MYO10: variants seen among roughly 807,000 people sequenced by gnomAD.
MYO10 encodes the protein unconventional myosin-X.
A neutral mutation model predicts 257.3 loss-of-function variants in MYO10; 133 were observed. That is an observed-to-expected ratio of 0.52 (90% CI 0.45 to 0.60). The LOEUF is 0.60. MYO10 is among the 20% of genes least tolerant of loss of function. The probability of loss-of-function intolerance (pLI) is 0.00; values close to 1 mark genes in which losing one functional copy is unlikely to be tolerated. For missense variants in MYO10, 2,399 were observed against 2,635.7 expected (o/e 0.91, Z 1.97); for synonymous variants, 1,104 against 1,028.6 (o/e 1.07, Z -1.40).
chr5:16,842,201 C>G lies in MYO10; in HGVS notation c.121-24034G>C, dbSNP rs146109906. On this transcript the variant is annotated intron_variant, in intron 2 of 40. Transcript: ENST00000513610. ...GTTTAGATATGTGTAATTTCTGACT[C>G]TGGTGATGGAGGTAGAAGTTGTATG... 2.5e-3 allele frequency among the ~76,000 whole-genome samples: 380 copies of G among 152,264 alleles called. 2 individuals carry two copies. The highest frequency in any genetic ancestry group is 8.7e-3 in the African/African-American group (361 of 41,554).
In MYO10 at chr5:16,844,937, TACACACACACACACACGCACACAC is replaced by T. The variant is rs1743585160; in HGVS notation, c.121-26794_121-26771del. On this transcript the variant is annotated intron_variant, in intron 2 of 40. Transcript: ENST00000513610. ...TTTATTCCAACAAAGTAATTCCAGA[TACACACACACACACACGCACACAC>T]ACACACACACACACACAGTGTATTT... Among the ~76,000 whole-genome samples the T allele has an allele frequency of 2.1e-5, 3 of 144,988 alleles. 1 individual carries two copies. The South Asian group carries it at 6.8e-4, about 33-fold the overall frequency.
chr5:16,838,855 T>A (rs1358802309), intron 2 of MYO10, among the ~76,000 whole-genome samples: 1 of 152,218 alleles, frequency 6.6e-6, no homozygotes, highest in Non-Finnish European at 1.5e-5. Context: ...CTAAATCTAC[T>A]CATCTCTATA....
chr5:16,686,067 G>T (rs920472419), intron 28 of MYO10, among the ~76,000 whole-genome samples: 2 of 152,176 alleles, frequency 1.3e-5, no homozygotes, highest in African/African-American at 4.8e-5. Context: ...TAGGTCAATG[G>T]ACGGCCTTTT....
intron 30 of MYO10, among the ~76,000 whole-genome samples, chr5:16,683,305 A>G (rs1737092419): frequency 6.6e-6 from 1 of 152,204 alleles, no homozygotes; most frequent in African/African-American, 2.4e-5. Flanking sequence ...AACTTACAAG[A>G]TAATACAGAA....
At chr5:16,912,632 T>A (rs756897967) in intron 1 of MYO10, among the ~76,000 whole-genome samples, 6 of 152,154 alleles carry the variant, frequency 3.9e-5, no homozygotes, top group Admixed American at 1.3e-4. Flanking sequence ...AAAATGAGTA[T>A]GTTTTTAGGC....
At chr5:16,921,132 G>GATAAAATAAAATAAAATAAAATAAA (rs56053669) in intron 1 of MYO10, among the ~76,000 whole-genome samples, 1,712 of 149,178 alleles carry the variant, frequency 0.011, 28 homozygotes, top group African/African-American at 0.041. Context: ...AATAACATAA[G>GATAAAATAAAATAAAATAAAATAAA]ATAAAATAAA....
chr5:16,856,414 G>A lies in MYO10; in HGVS notation c.120+21195C>T, dbSNP rs905443114. On this transcript the variant is annotated intron_variant, in intron 2 of 40. Transcript: ENST00000513610. ...AAAATACAAAAACTAGCTGGGCGTGGTGGTGTACACCTGTAATCCCAGCTA... is the reference window on the plus strand; with the variant it reads ...AAAATACAAAAACTAGCTGGGCGTGATGGTGTACACCTGTAATCCCAGCTA... 4.6e-5 allele frequency among the ~76,000 whole-genome samples: 7 copies of A among 152,170 alleles called. No homozygotes were observed. In the South Asian group the frequency reaches 1.2e-3, roughly 27 times the overall value.
chr5:16,902,790 C>T lies in MYO10; in HGVS notation c.22-25083G>A. 6.5e-6 allele frequency: 4 copies of T among 616,882 alleles called. No homozygotes were observed. In the South Asian group the frequency reaches 7.9e-5, roughly 12 times the overall value. 38.2% of individuals were successfully genotyped at this position (616,882 alleles called of 1,614,324 possible). On this transcript the variant is annotated intron_variant, in intron 1 of 40. Transcript: ENST00000513610. ...GTGCCGGGATTACAGGCGTAAGCCA[C>T]CGTGCCCAGGGCCATCTTTTAAGTA...
chr5:16,821,660 G>A (rs1742821664), intron 2 of MYO10, among the ~76,000 whole-genome samples: 1 of 151,496 alleles, frequency 6.6e-6, no homozygotes, highest in Admixed American at 6.6e-5. Flanking sequence ...CAGAGATGGG[G>A]TTTCACTGTG....
At chr5:16,864,489 T>C (rs1744188840) in intron 2 of MYO10, among the ~76,000 whole-genome samples, 2 of 152,186 alleles carry the variant, frequency 1.3e-5, no homozygotes, top group South Asian at 2.1e-4. Context: ...ATTCAGAGCC[T>C]TGTGTATTCA....
At chr5:16,777,352 A>G (rs1400840234) in intron 9 of MYO10, among the ~76,000 whole-genome samples, 2 of 152,218 alleles carry the variant, frequency 1.3e-5, no homozygotes, top group Non-Finnish European at 2.9e-5. Context: ...TATATAGCCT[A>G]GTCCGTTTGG....
chr5:16,754,469 C>T (rs965511930), intron 19 of MYO10, among the ~76,000 whole-genome samples: 3 of 150,790 alleles, frequency 2.0e-5, no homozygotes, highest in Admixed American at 2.0e-4. Context: ...CAAATAAAAA[C>T]TTTAAAAAAA....
At chr5:16,888,289 G>C (rs168812) in intron 1 of MYO10, among the ~76,000 whole-genome samples, 2,699 of 150,228 alleles carry the variant, frequency 0.018, 105 homozygotes, top group African/African-American at 0.06. Flanking sequence ...AACACTTTGG[G>C]AGTCCAAGGT....
At chr5:16,766,315 C>A in intron 10 of MYO10, 117 bp from the exon 11 acceptor site, 2 of 721,394 alleles carry the variant, frequency 2.8e-6, no homozygotes, top group Non-Finnish European at 4.8e-6. Context: ...TTAGAGATTG[C>A]ATGTTATTGC....
intron 1 of MYO10, among the ~76,000 whole-genome samples, chr5:16,903,981 G>C (rs554415107): frequency 6.6e-6 from 1 of 152,320 alleles, no homozygotes; most frequent in East Asian, 1.9e-4. Context: ...AATCTTCAAA[G>C]TGTAAGTGTC....
At chr5:16,802,936 T>G (rs1742163322) in intron 3 of MYO10, among the ~76,000 whole-genome samples, 1 of 136,438 alleles carries the variant, frequency 7.3e-6, no homozygotes, top group Non-Finnish European at 1.6e-5. Flanking sequence ...AGATCCTCTC[T>G]CTCAAAAAAA....
At chr5:16,923,293 CTTT>C (rs1202662269) in intron 1 of MYO10, among the ~76,000 whole-genome samples, 3 of 141,200 alleles carry the variant, frequency 2.1e-5, no homozygotes, top group Non-Finnish European at 3.1e-5. Flanking sequence ...CTAAACTCTT[CTTT>C]TTTTTTTTTG....
chr5:16,871,529 C>G (rs1744456281), intron 2 of MYO10, among the ~76,000 whole-genome samples: 1 of 152,056 alleles, frequency 6.6e-6, no homozygotes, highest in East Asian at 1.9e-4. Flanking sequence ...ATCACTTGAG[C>G]CCAGGAAGTG....
At position 16,754,821 on chromosome 5, in the gene MYO10, A is replaced by G. The variant is rs72732223; in HGVS notation, c.1929+7T>C. ...AGATCCCAGCCTAGGACTGTCATCAATCTTACCTTCTGCATGTTTGGCTTG... is the reference window on the plus strand; with the variant it reads ...AGATCCCAGCCTAGGACTGTCATCAGTCTTACCTTCTGCATGTTTGGCTTG... On this transcript the variant is annotated splice_region_variant and intron_variant, in intron 19 of 40. Coordinates refer to ENST00000513610, the MANE Select transcript of MYO10 (RefSeq NM_012334.3). 0.03 allele frequency: 48,111 copies of G among 1,589,748 alleles called. 989 individuals carry two copies. The highest frequency in any genetic ancestry group is 0.035 in the Middle Eastern group (208 of 5,996).
Sources: gnomAD v4.1 joint callset for allele counts (sites outside exome capture counted in the v4.1 genomes callset) on GRCh38, gnomAD v4.1.1 for gene constraint, MANE v1.5 for transcripts, NCBI Gene and HGNC (gene_info 2026-07-23, HGNC 2026-07-21) for gene names.